The following APMAP variants were observed in gnomAD, a reference collection of about 807,000 sequenced individuals.
APMAP encodes adipocyte plasma membrane associated protein, also known as adipocyte plasma membrane-associated protein.
Under a neutral mutation model 43.6 loss-of-function variants are expected in APMAP, and 33 were observed. That is an observed-to-expected ratio of 0.76 (90% CI 0.57 to 1.01). The LOEUF (loss-of-function observed/expected upper bound fraction) is 1.01, where lower values mean the gene tolerates loss of function less well. Ranked by LOEUF, APMAP falls within the 50% of genes least tolerant of loss-of-function variation. APMAP has a pLI of 0.00. For missense variants in APMAP, 498 were observed against 540.7 expected, an observed-to-expected ratio of 0.92 and a Z score of 0.78; for synonymous variants, 224 against 216.7, an observed-to-expected ratio of 1.03 and a Z score of -0.30.
chr20:24,980,279 G>C (rs2088090871), intron 2 of APMAP, among the ~76,000 whole-genome samples: 1 of 152,240 alleles, frequency 6.6e-6, no homozygotes, highest in African/African-American at 2.4e-5. Context: ...TCAAGAACAG[G>C]AAGGAGCTAA....
intron 8 of APMAP, among the ~76,000 whole-genome samples, chr20:24,968,541 T>A (rs932952674): frequency 5.3e-5 from 8 of 152,052 alleles, no homozygotes; most frequent in Non-Finnish European, 1.0e-4. Flanking sequence ...GGCAAAGCCA[T>A]GGCAGATGGA....
rs765859623 is a variant in APMAP, at chr20:24,963,955, C to T, written c.1109G>A (p.Ser370Asn). 2 of 1,614,244 alleles carry T rather than the reference C, an allele frequency of 1.2e-6. No individual in the cohort carries two copies. Among genetic ancestry groups the T allele is most frequent in the East Asian group, 2.2e-5 (1 of 44,886 alleles). The change falls in exon 9 of 9, where the codon AGC (serine) becomes AAC (asparagine). Residue 370 changes from serine (S) to asparagine (N), a missense_variant. Ser to Asn is a conservative substitution (Grantham distance 46). Transcript: ENST00000217456. ...RYSLVLELSD[S>N]GAFRRSLHDP... ...ATGCAGGCTTCTCCGGAAGGCACCG[C>T]TGTCGCTGAGTTCTAGGACGAGGCT...
chr20:24,977,145 CA>C (rs1320124114), intron 3 of APMAP, among the ~76,000 whole-genome samples: 1 of 152,182 alleles, frequency 6.6e-6, no homozygotes, highest in Non-Finnish European at 1.5e-5. Flanking sequence ...TGTATAAAAC[CA>C]AGAGTGAACC....
At chr20:24,981,394 A>G (rs984794318) in intron 2 of APMAP, among the ~76,000 whole-genome samples, 1 of 152,232 alleles carries the variant, frequency 6.6e-6, no homozygotes, top group Non-Finnish European at 1.5e-5. Flanking sequence ...ACTGCAGAGA[A>G]GTGACCCACT....
chr20:24,973,213 T>G (rs1278306819), intron 4 of APMAP, among the ~76,000 whole-genome samples: 1 of 152,236 alleles, frequency 6.6e-6, no homozygotes, highest in East Asian at 1.9e-4. Context: ...TTGAATGACT[T>G]AAGGGTATTC....
intron 5 of APMAP, among the ~76,000 whole-genome samples, chr20:24,970,787 T>C (rs1307924279): frequency 6.6e-6 from 1 of 152,150 alleles, no homozygotes; most frequent in Admixed American, 6.5e-5. Context: ...TCTCGAGGTG[T>C]GATCGCCTTT....
chr20:24,991,520 C>T (rs2088192097), intron 1 of APMAP, among the ~76,000 whole-genome samples: 1 of 152,196 alleles, frequency 6.6e-6, no homozygotes, highest in Admixed American at 6.5e-5. Flanking sequence ...CTCTCTAGAG[C>T]CTAAATGCTC....
At position 24,968,878 on chromosome 20, in the gene APMAP, G is replaced by A; in HGVS notation, c.1041+14C>T. On this transcript the variant is annotated intron_variant, in intron 8 of 8. Transcript: ENST00000217456. ...TTCCATTTTCTTTCTTGGAATAACA[G>A]TTTTCACAGTTACCTTAAAAATCAT... is the stretch of plus-strand genomic sequence containing the variant. 6.4e-7 allele frequency: 1 copy of A among 1,568,694 alleles called. No homozygotes were observed. Among genetic ancestry groups the A allele is most frequent in the Non-Finnish European group, 8.7e-7 (1 of 1,155,308 alleles).
At chr20:24,984,543 C>T (rs371967005) in intron 1 of APMAP, among the ~76,000 whole-genome samples, 108 of 152,298 alleles carry the variant, frequency 7.1e-4, no homozygotes, top group African/African-American at 2.5e-3. Context: ...ATCCAATTCC[C>T]CAATCACTTT....
rs2087920020 is a variant in APMAP, at chr20:24,963,929, CA to C, written c.1134del (p.His378GlnfsTer44). ...SDSGAFRRSLHDPDGLVATYI... is the reference protein window; with the variant it reads ...SDSGAFRRSLXDPDGLVATYI... ...TAGGTGGCCACCAGCCCATCGGGAT[CA>C]TGCAGGCTTCTCCGGAAGGCACCGC... On this transcript the variant is annotated frameshift_variant, in exon 9 of 9. Coordinates refer to ENST00000217456, the MANE Select transcript of APMAP (RefSeq NM_020531.3). LOFTEE classifies it high-confidence loss of function. 6.2e-7 allele frequency: 1 copy of C among 1,614,232 alleles called. No homozygotes were observed. The highest frequency in any genetic ancestry group is 8.5e-7 in the Non-Finnish European group (1 of 1,180,044).
intron 1 of APMAP, among the ~76,000 whole-genome samples, chr20:24,987,993 A>G (rs2088162810): frequency 6.6e-6 from 1 of 152,176 alleles, no homozygotes; most frequent in Non-Finnish European, 1.5e-5. Flanking sequence ...CCAAAGAGAG[A>G]CAAAGCATAT....
chr20:24,978,365 A>G (rs1600285933), intron 3 of APMAP, among the ~76,000 whole-genome samples: 2 of 152,376 alleles, frequency 1.3e-5, no homozygotes, highest in East Asian at 3.9e-4. Context: ...ATTGAGAACC[A>G]TTTGTCTTCA....
intron 6 of APMAP, 65 bp from the exon 7 acceptor site, chr20:24,969,725 G>T: frequency 3.2e-6 from 5 of 1,550,030 alleles, no homozygotes; most frequent in Non-Finnish European, 4.4e-6. Context: ...GGGCCTTCAG[G>T]GTATGGGCCT....
At chr20:24,978,522 T>C (rs750110078) in intron 3 of APMAP, among the ~76,000 whole-genome samples, 1 of 152,190 alleles carries the variant, frequency 6.6e-6, no homozygotes, top group Non-Finnish European at 1.5e-5. Flanking sequence ...AAGTGTTCCA[T>C]AGAGATGAAT....
At chr20:24,975,617 C>T (rs1273548374) in intron 3 of APMAP, among the ~76,000 whole-genome samples, 2 of 152,124 alleles carry the variant, frequency 1.3e-5, no homozygotes, top group Non-Finnish European at 2.9e-5. Context: ...TCTATAGATT[C>T]AATGCAATCC....
intron 8 of APMAP, 127 bp downstream of exon 8, chr20:24,968,765 G>A: frequency 1.1e-6 from 1 of 873,680 alleles, no homozygotes; most frequent in Non-Finnish European, 1.7e-6. Flanking sequence ...AGAATGAAAT[G>A]TGTTTCTAAG....
intron 2 of APMAP, among the ~76,000 whole-genome samples, chr20:24,981,820 T>A (rs2088106926): frequency 1.3e-5 from 2 of 152,242 alleles, no homozygotes; most frequent in African/African-American, 4.8e-5. Flanking sequence ...ACTAGAAACA[T>A]TCATATCCTT....
rs1236794125 is a variant in APMAP at position 24,969,650 on chromosome 20, A to G, written c.724T>C (p.Tyr242His). ...EGTDDGRLLE[Y>H]DTVTREVKVL... ...TTTACTTCCCTGGTCACAGTATCAT[A>G]CTCCAGCAGGCTGTGGAACACCAAA... The change falls in exon 7 of 9, where the codon TAT becomes CAT. Residue 242 changes from tyrosine to histidine, a missense_variant. Tyr to His is a moderately conservative substitution (Grantham distance 83). Coordinates refer to ENST00000217456, the MANE Select transcript of APMAP (RefSeq NM_020531.3). The G allele has an allele frequency of 6.2e-7, 1 of 1,612,468 alleles. No individual in the cohort carries two copies. The highest frequency in any genetic ancestry group is 8.5e-7 in the Non-Finnish European group (1 of 1,178,728).
intron 1 of APMAP, among the ~76,000 whole-genome samples, chr20:24,986,711 A>AG (rs1198169159): frequency 3.3e-5 from 5 of 152,236 alleles, no homozygotes; most frequent in Non-Finnish European, 7.3e-5. Context: ...AGATGGAACC[A>AG]GGTATCTCTC....
Sources: allele counts gnomAD v4.1 joint callset (sites outside exome capture counted in the v4.1 genomes callset), GRCh38; gene constraint gnomAD v4.1.1; transcripts MANE v1.5; gene names NCBI Gene and HGNC (gene_info 2026-07-23, HGNC 2026-07-21).